Variants in GALNT7 observed in about 807,000 individuals in gnomAD.
GALNT7 encodes polypeptide N-acetylgalactosaminyltransferase 7, also known as N-acetylgalactosaminyltransferase 7.
Under a neutral mutation model 82.1 loss-of-function variants are expected in GALNT7, and 60 were observed. The ratio of observed to expected loss-of-function variants is 0.73; its 90% CI spans 0.59 to 0.91. GALNT7 has a LOEUF of 0.91. Ranked by LOEUF, GALNT7 falls within the 40% of genes least tolerant of loss-of-function variation. GALNT7 has a pLI of 0.00. For missense variants in GALNT7, 660 were observed against 804.2 expected, an observed-to-expected ratio of 0.82 and a Z score of 2.17; for synonymous variants, 243 against 275.1, an observed-to-expected ratio of 0.88 and a Z score of 1.15.
At chr4:173,204,035 C>T (rs1733020153) in intron 1 of GALNT7, among the ~76,000 whole-genome samples, 1 of 152,138 alleles carries the variant, frequency 6.6e-6, no homozygotes, top group Admixed American at 6.6e-5. Flanking sequence ...GATTAACTCC[C>T]TCAGCTTTTG....
intron 8 of GALNT7, among the ~76,000 whole-genome samples, chr4:173,311,941 T>C: frequency 6.6e-6 from 1 of 152,240 alleles, no homozygotes; most frequent in Non-Finnish European, 1.5e-5. Context: ...AGGTATTTCT[T>C]TTTTGAATGT....
At chr4:173,236,780 A>G (rs985331620) in intron 1 of GALNT7, among the ~76,000 whole-genome samples, 2 of 152,090 alleles carry the variant, frequency 1.3e-5, no homozygotes, top group Non-Finnish European at 2.9e-5. Context: ...CCAGGCTGTG[A>G]CTCCCTTAGA....
chr4:173,214,354 A>G (rs1733376228), intron 1 of GALNT7, among the ~76,000 whole-genome samples: 1 of 152,044 alleles, frequency 6.6e-6, no homozygotes, highest in Admixed American at 6.5e-5. Flanking sequence ...ATTTTGATAA[A>G]CTAGAAAGCT....
At chr4:173,262,961 G>A (rs1295365005) in intron 2 of GALNT7, among the ~76,000 whole-genome samples, 1 of 152,162 alleles carries the variant, frequency 6.6e-6, no homozygotes, top group Non-Finnish European at 1.5e-5. Context: ...GGTATATTAA[G>A]TATATTAGGG....
At chr4:173,217,280 C>A (rs1733500957) in intron 1 of GALNT7, among the ~76,000 whole-genome samples, 2 of 152,068 alleles carry the variant, frequency 1.3e-5, no homozygotes, top group South Asian at 4.1e-4. Context: ...TGAGTTATTA[C>A]CCTTCTTACA....
intron 11 of GALNT7, among the ~76,000 whole-genome samples, chr4:173,319,748 C>T (rs1737735208): frequency 6.6e-6 from 1 of 152,018 alleles, no homozygotes; most frequent in Non-Finnish European, 1.5e-5. Context: ...ATATGTTAGA[C>T]TGTAGGGGAG....
rs896547872 is a variant in GALNT7 at position 173,216,698 on chromosome 4, GTACTATTCATATATATATATATA to G, written c.127-31279_127-31257del. On this transcript the variant is annotated intron_variant, in intron 1 of 11. Transcript: ENST00000265000. Reference sequence around the variant, plus strand: ...TAGTTTCAGTAATTTGGTTTCTTGTGTACTATTCATATATATATATATATATATATTTTTTTTTTTTTTTTTTT... The same window carrying G: ...TAGTTTCAGTAATTTGGTTTCTTGTGTATATATTTTTTTTTTTTTTTTTTT... 3.5e-4 allele frequency among the ~76,000 whole-genome samples: 30 copies of G among 86,504 alleles called. No individual in the cohort carries two copies. The East Asian group carries it at 3.6e-3, about 10-fold the overall frequency. 56.7% of individuals were successfully genotyped at this position (86,504 alleles called of 152,430 possible). A position where few individuals can be genotyped will look rare whatever the true frequency, so the allele number is the denominator to read the frequency against.
chr4:173,253,141 G>C (rs369305026), intron 2 of GALNT7, among the ~76,000 whole-genome samples: 5 of 152,050 alleles, frequency 3.3e-5, no homozygotes, highest in Non-Finnish European at 7.3e-5. Flanking sequence ...GGCAGAGGTT[G>C]CAGTGAGCCG....
chr4:173,318,732 T>C (rs1737695037), intron 11 of GALNT7, 173 bp downstream of exon 11: 4 of 499,248 alleles, frequency 8.0e-6, no homozygotes, highest in African/African-American at 2.0e-5. Flanking sequence ...CATTGTTCTA[T>C]AATGAGGCAT....
intron 1 of GALNT7, among the ~76,000 whole-genome samples, chr4:173,234,586 A>G (rs1379185571): frequency 6.6e-6 from 1 of 152,158 alleles, no homozygotes; most frequent in Non-Finnish European, 1.5e-5. Context: ...TTGGATAGCA[A>G]AAGAAAACAG....
chr4:173,296,353 T>A (rs922539389), intron 5 of GALNT7, among the ~76,000 whole-genome samples: 2 of 152,162 alleles, frequency 1.3e-5, no homozygotes, highest in Non-Finnish European at 2.9e-5. Flanking sequence ...TTTCCAGAAA[T>A]GTCTAAAACA....
chr4:173,317,849 A>T, intron 10 of GALNT7, 117 bp downstream of exon 10: 1 of 658,706 alleles, frequency 1.5e-6, no homozygotes, highest in South Asian at 1.8e-5. Flanking sequence ...TTGTTTTGAT[A>T]AAGTAAAACA....
chr4:173,317,520 C>T (rs980705385), intron 9 of GALNT7, 114 bp from the exon 10 acceptor site: 1 of 690,308 alleles, frequency 1.4e-6, no homozygotes, highest in African/African-American at 1.8e-5. Context: ...ACTACACATA[C>T]CCAGATTTTC....
chr4:173,253,985 G>C (rs1021761396), intron 2 of GALNT7, among the ~76,000 whole-genome samples: 1 of 152,160 alleles, frequency 6.6e-6, no homozygotes, highest in Non-Finnish European at 1.5e-5. Context: ...GAGGTATTCT[G>C]ATTCAAACAA....
At chr4:173,295,148 C>G (rs1736674123) in intron 3 of GALNT7, among the ~76,000 whole-genome samples, 1 of 152,150 alleles carries the variant, frequency 6.6e-6, no homozygotes, top group Non-Finnish European at 1.5e-5. Flanking sequence ...CCTTAACTGT[C>G]AATTCGAATA....
At chr4:173,283,733 A>G (rs1208153015) in intron 2 of GALNT7, among the ~76,000 whole-genome samples, 1 of 151,962 alleles carries the variant, frequency 6.6e-6, no homozygotes, top group African/African-American at 2.4e-5. Flanking sequence ...CCGGTTTTCC[A>G]GGAGGCTTTT....
chr4:173,205,488 T>C (rs902486923), intron 1 of GALNT7, among the ~76,000 whole-genome samples: 6 of 151,934 alleles, frequency 3.9e-5, no homozygotes, highest in Non-Finnish European at 8.8e-5. Context: ...TGTTCTTCTC[T>C]CTTGCTGTCT....
intron 1 of GALNT7, among the ~76,000 whole-genome samples, chr4:173,189,994 G>GTTTT (rs60870608): frequency 6.8e-6 from 1 of 146,380 alleles, no homozygotes. Context: ...CAAAATGTTA[G>GTTTT]TTTTTTTTTT....
chr4:173,251,804 G>A (rs1253087885), intron 2 of GALNT7, among the ~76,000 whole-genome samples: 4 of 152,140 alleles, frequency 2.6e-5, no homozygotes, highest in Admixed American at 2.6e-4. Flanking sequence ...AAATTAAAAG[G>A]CCCAAATCTA....
Sources: allele counts gnomAD v4.1 joint callset (sites outside exome capture counted in the v4.1 genomes callset), GRCh38; gene constraint gnomAD v4.1.1; transcripts MANE v1.5; gene names NCBI Gene and HGNC (gene_info 2026-07-23, HGNC 2026-07-21).